Variants in FSTL4 observed in about 807,000 individuals in gnomAD.
The protein encoded by FSTL4 is follistatin like 4, also known as follistatin-related protein 4.
In FSTL4, 28 loss-of-function variants were observed where a neutral mutation model predicts 78.2. That is an observed-to-expected ratio of 0.36 (90% confidence interval 0.27 to 0.49). The LOEUF is 0.49. FSTL4 is among the 20% of genes least tolerant of loss of function. The pLI is 0.98. For missense variants in FSTL4, 922 were observed against 1,084.9 expected, an observed-to-expected ratio of 0.85 and a Z score of 2.11; for synonymous variants, 422 against 440.5, an observed-to-expected ratio of 0.96 and a Z score of 0.53.
chr5:133,428,103 A>G, intron 3 of FSTL4, among the ~76,000 whole-genome samples: 1 of 152,342 alleles, frequency 6.6e-6, no homozygotes, highest in South Asian at 2.1e-4. Flanking sequence ...TTGTTTTATG[A>G]TAATGAATTT....
the FSTL4 span, among the ~76,000 whole-genome samples, chr5:133,674,926 A>G: frequency 5.9e-5 from 9 of 152,200 alleles, no homozygotes; most frequent in Admixed American, 3.9e-4. Context: ...AGTTCATCCT[A>G]TGTTTCAGGC....
At chr5:133,542,597 A>T (rs978052353) in intron 3 of FSTL4, among the ~76,000 whole-genome samples, 12 of 152,202 alleles carry the variant, frequency 7.9e-5, no homozygotes, top group African/African-American at 2.9e-4. Context: ...TTGTGGGAAG[A>T]TTTCCAGTTA....
rs375676940 is a variant in FSTL4 at position 133,249,521 on chromosome 5, G to T, written c.783C>A (p.Thr261=). Residue 261 remains threonine, a synonymous_variant, in exon 7 of 16, where the codon ACC becomes ACA. Coordinates refer to ENST00000265342, the MANE Select transcript of FSTL4 (RefSeq NM_015082.2). The part of the protein sequence containing the change: ...PEDRVSVTTV[T]VGLSTVLTCA... ...AGGTCAGCACTGTGCTCAGCCCCAC[G>T]GTCACTGTGGTCACACTGACCCTGT... 28 of 1,613,364 alleles carry T rather than the reference G, an allele frequency of 1.7e-5. No homozygotes were observed. In the South Asian group the frequency reaches 3.1e-4, roughly 18 times the overall value.
chr5:133,593,701 T>G (rs1015724622), intron 2 of FSTL4, among the ~76,000 whole-genome samples: 3 of 152,238 alleles, frequency 2.0e-5, no homozygotes, highest in Admixed American at 2.0e-4. Flanking sequence ...TCTTTCTTTA[T>G]TAAGATGTAC....
At chr5:133,287,711 C>T (rs114814381) in intron 6 of FSTL4, among the ~76,000 whole-genome samples, 4,592 of 152,318 alleles carry the variant, frequency 0.03, 90 homozygotes, top group Non-Finnish European at 0.048. Context: ...CTGCTGCCCG[C>T]ACTCTGCTCT....
At chr5:133,250,604 C>G (rs1310765673) in intron 6 of FSTL4, among the ~76,000 whole-genome samples, 2 of 152,280 alleles carry the variant, frequency 1.3e-5, no homozygotes, top group East Asian at 3.8e-4. Context: ...GAGCTGAGCT[C>G]TGCTATTCTG....
the FSTL4 span, among the ~76,000 whole-genome samples, chr5:133,808,396 C>A: frequency 6.6e-6 from 1 of 152,138 alleles, no homozygotes; most frequent in Non-Finnish European, 1.5e-5. Flanking sequence ...TGGTGATGCT[C>A]AATCTCCAGT....
chr5:133,817,683 G>A, the FSTL4 span, among the ~76,000 whole-genome samples: 1 of 152,186 alleles, frequency 6.6e-6, no homozygotes, highest in African/African-American at 2.4e-5. Flanking sequence ...CCAGCCCTCT[G>A]ACCTCCCATG....
the FSTL4 span, among the ~76,000 whole-genome samples, chr5:133,664,130 G>A: frequency 1.3e-5 from 2 of 152,112 alleles, no homozygotes; most frequent in African/African-American, 4.8e-5. Context: ...TCTTTGACAG[G>A]TAATAGGTTT....
At chr5:133,403,447 C>G (rs1027427705) in intron 3 of FSTL4, among the ~76,000 whole-genome samples, 8 of 152,208 alleles carry the variant, frequency 5.3e-5, no homozygotes, top group African/African-American at 1.9e-4. Context: ...CTGCTCTGGC[C>G]TCAGGAGGTC....
intron 3 of FSTL4, among the ~76,000 whole-genome samples, chr5:133,460,944 T>C (rs777551264): frequency 2.0e-5 from 3 of 152,260 alleles, no homozygotes; most frequent in Non-Finnish European, 2.9e-5. Flanking sequence ...CAATTTTTCT[T>C]ATAACATTGG....
the FSTL4 span, among the ~76,000 whole-genome samples, chr5:133,788,607 T>G: frequency 1.3e-5 from 2 of 152,262 alleles, no homozygotes; most frequent in Non-Finnish European, 2.9e-5. Context: ...AGAGGCCAAA[T>G]AAAGATGGAT....
chr5:133,521,996 A>G (rs1028656411), intron 3 of FSTL4, among the ~76,000 whole-genome samples: 2 of 152,226 alleles, frequency 1.3e-5, no homozygotes, highest in South Asian at 2.1e-4. Flanking sequence ...AAGCTCTCTA[A>G]GTGCCAAAGA....
chr5:133,815,982 T>C, the FSTL4 span, among the ~76,000 whole-genome samples: 1 of 152,114 alleles, frequency 6.6e-6, no homozygotes, highest in Non-Finnish European at 1.5e-5. Context: ...AAGCAAAACA[T>C]AATGACATGT....
At chr5:133,249,703 TG>T (rs1752158631) in intron 6 of FSTL4, 127 bp from the exon 7 acceptor site, 1 of 671,396 alleles carries the variant, frequency 1.5e-6, no homozygotes, top group African/African-American at 1.8e-5. Flanking sequence ...CCCTGAAAAT[TG>T]TTTACAATGT....
chr5:133,320,272 G>T (rs1169173881), intron 4 of FSTL4, among the ~76,000 whole-genome samples: 5 of 152,092 alleles, frequency 3.3e-5, no homozygotes, highest in Admixed American at 6.6e-5. Context: ...TCCTAGCAAG[G>T]TGTGTCAAAG....
chr5:133,630,534 G>T, the FSTL4 span, among the ~76,000 whole-genome samples: 4 of 152,176 alleles, frequency 2.6e-5, no homozygotes, highest in African/African-American at 9.7e-5. Flanking sequence ...CTCATGGATA[G>T]GAAGAATCAA....
intron 4 of FSTL4, among the ~76,000 whole-genome samples, chr5:133,378,097 C>T (rs1465742126): frequency 1.3e-5 from 2 of 152,076 alleles, no homozygotes; most frequent in South Asian, 2.1e-4. Flanking sequence ...TAAACAAAAA[C>T]AGATAATTCA....
chr5:133,753,712 T>A, the FSTL4 span, among the ~76,000 whole-genome samples: 1 of 136,128 alleles, frequency 7.3e-6, no homozygotes, highest in Admixed American at 7.8e-5. Context: ...TGTGTGTGTG[T>A]GTGTGTGTGT....
Sources: gnomAD v4.1 joint callset for allele counts (sites outside exome capture counted in the v4.1 genomes callset) on GRCh38, gnomAD v4.1.1 for gene constraint, MANE v1.5 for transcripts, NCBI Gene and HGNC (gene_info 2026-07-23, HGNC 2026-07-21) for gene names.